The following PEAK1 variants were observed in gnomAD, a reference collection of about 807,000 sequenced individuals.
The protein encoded by PEAK1 is pseudopodium enriched atypical kinase 1.
In PEAK1, 54 loss-of-function variants were observed where a neutral mutation model predicts 124.7. The ratio of observed to expected loss-of-function variants is 0.43; its 90% CI spans 0.35 to 0.54. PEAK1 has a LOEUF of 0.54. Among genes scored for constraint, PEAK1 ranks in the 20% least tolerant of loss-of-function variants. The pLI is 0.01. For synonymous variants in PEAK1, 719 were observed against 760.0 expected (o/e 0.95, Z 0.89); for missense variants, 2,046 against 2,134.5 (o/e 0.96, Z 0.82).
At chr15:77,186,461 T>C (rs1209743953) in intron 6 of PEAK1, among the ~76,000 whole-genome samples, 1 of 152,168 alleles carries the variant, frequency 6.6e-6, no homozygotes, top group African/African-American at 2.4e-5. Context: ...AGGAACACCA[T>C]TTGCTTATGT....
chr15:77,297,824 C>T (rs1342576709), intron 2 of PEAK1, among the ~76,000 whole-genome samples: 64 of 149,288 alleles, frequency 4.3e-4, no homozygotes, highest in Admixed American at 1.0e-3. Flanking sequence ...TTTGGGAGGC[C>T]GAGGCGGGTG....
intron 6 of PEAK1, among the ~76,000 whole-genome samples, chr15:77,244,997 T>C (rs2060516739): frequency 6.6e-6 from 1 of 152,224 alleles, no homozygotes; most frequent in Non-Finnish European, 1.5e-5. Context: ...CAATACATAA[T>C]GCCTCTCAGT....
chr15:77,291,976 CA>C (rs34817180), intron 2 of PEAK1, among the ~76,000 whole-genome samples: 2,085 of 107,436 alleles, frequency 0.019, 19 homozygotes, highest in Non-Finnish European at 0.026. Flanking sequence ...GACTCCGTCT[CA>C]AAAAAAAAAA....
chr15:77,360,570 A>G (rs551151002), intron 2 of PEAK1, among the ~76,000 whole-genome samples: 9 of 152,016 alleles, frequency 5.9e-5, no homozygotes, highest in Non-Finnish European at 1.2e-4. Context: ...TCAACCAAAC[A>G]TGGATAAAAA....
At position 77,292,364 on chromosome 15, in the gene PEAK1, T is replaced by C. The variant is rs544786452; in HGVS notation, c.-602-5860A>G. ...TCATGGCTGAAAGCATAACTCATGA[T>C]TGAGAGAAGCTTACTTAACATACAT... On this transcript the variant is annotated intron_variant, in intron 2 of 9. Transcript: ENST00000682557. Among the ~76,000 whole-genome samples, 13 of 152,290 alleles carry C rather than the reference T, an allele frequency of 8.5e-5. No homozygotes were observed. In the South Asian group the frequency reaches 1.0e-3, roughly 12 times the overall value.
At chr15:77,342,194 T>C (rs189375106) in intron 2 of PEAK1, among the ~76,000 whole-genome samples, 19 of 151,302 alleles carry the variant, frequency 1.3e-4, no homozygotes, top group Non-Finnish European at 2.7e-4. Context: ...ACATAAAATC[T>C]TCACCATCTT....
chr15:77,384,564 A>G (rs1384155977), intron 1 of PEAK1, among the ~76,000 whole-genome samples: 2 of 152,250 alleles, frequency 1.3e-5, no homozygotes, highest in Non-Finnish European at 2.9e-5. Flanking sequence ...ATTAAGAGCA[A>G]AATTATGCCA....
chr15:77,326,792 C>T (rs1384580249), intron 2 of PEAK1, among the ~76,000 whole-genome samples: 1 of 152,052 alleles, frequency 6.6e-6, no homozygotes, highest in African/African-American at 2.4e-5. Flanking sequence ...AACAGCTTGA[C>T]ATGTGGGATA....
At chr15:77,348,280 A>AT in intron 2 of PEAK1, 1 of 907,916 alleles carries the variant, frequency 1.1e-6, no homozygotes, top group Non-Finnish European at 1.3e-6. Context: ...CTGAGTCTCA[A>AT]TTTTCCTCAT....
intron 6 of PEAK1, among the ~76,000 whole-genome samples, chr15:77,183,696 T>A (rs2057396333): frequency 6.6e-6 from 1 of 151,432 alleles, no homozygotes; most frequent in African/African-American, 2.4e-5. Flanking sequence ...GGAGAAATTA[T>A]GTGAAACATT....
intron 2 of PEAK1, among the ~76,000 whole-genome samples, chr15:77,306,501 T>C (rs1407277497): frequency 6.6e-6 from 1 of 152,182 alleles, no homozygotes; most frequent in Non-Finnish European, 1.5e-5. Flanking sequence ...TATTTCTAGT[T>C]CCAGAGAAAG....
chr15:77,115,417 C>T (rs571319481), intron 9 of PEAK1, 98 bp from the exon 10 acceptor site: 13 of 1,110,312 alleles, frequency 1.2e-5, no homozygotes, highest in East Asian at 7.6e-5. Flanking sequence ...TAGGGACAAA[C>T]GATCATATAG....
chr15:77,139,817 A>G (rs541941336), intron 8 of PEAK1, among the ~76,000 whole-genome samples: 8 of 151,990 alleles, frequency 5.3e-5, no homozygotes, highest in African/African-American at 1.9e-4. Flanking sequence ...ATACACATAT[A>G]ATATATATAT....
chr15:77,107,416 C>G (rs2050767049), downstream of PEAK1: 1 of 152,196 alleles, frequency 6.6e-6, no homozygotes, highest in South Asian at 2.1e-4. Flanking sequence ...CTGGGGTATG[C>G]CTTAAAAACA....
intron 5 of PEAK1, among the ~76,000 whole-genome samples, chr15:77,261,372 G>C (rs2061429697): frequency 6.6e-6 from 1 of 152,082 alleles, no homozygotes; most frequent in Admixed American, 6.6e-5. Context: ...TAAAAACCTT[G>C]AAACAAGATT....
intron 1 of PEAK1, chr15:77,381,327 A>C (rs1182340172): frequency 1.2e-6 from 1 of 813,288 alleles, no homozygotes; most frequent in African/African-American, 1.9e-5. Context: ...AGGCGAAAGC[A>C]CTGCTTGAGG....
chr15:77,413,569 G>A (rs924949126), intron 1 of PEAK1, among the ~76,000 whole-genome samples: 2 of 152,086 alleles, frequency 1.3e-5, no homozygotes, highest in Non-Finnish European at 2.9e-5. Flanking sequence ...TTGTGTCAAG[G>A]TTATAAAAGA....
intron 8 of PEAK1, among the ~76,000 whole-genome samples, chr15:77,149,630 T>G (rs1189014897): frequency 6.6e-6 from 1 of 152,204 alleles, no homozygotes; most frequent in East Asian, 1.9e-4. Flanking sequence ...TTAGAACTAT[T>G]GGAGTCAACT....
At chr15:77,402,668 TC>T in intron 1 of PEAK1, 1 of 985,350 alleles carries the variant, frequency 1.0e-6, no homozygotes, top group Non-Finnish European at 1.2e-6. Context: ...CCATAGTGTA[TC>T]GTTTAGTTAA....
Sources: allele counts gnomAD v4.1 joint callset (sites outside exome capture counted in the v4.1 genomes callset), GRCh38; gene constraint gnomAD v4.1.1; transcripts MANE v1.5; gene names NCBI Gene and HGNC (gene_info 2026-07-23, HGNC 2026-07-21).